ST6GAL1: variants seen among roughly 807,000 people sequenced by gnomAD.
The protein encoded by ST6GAL1 is ST6 beta-galactoside alpha-2,6-sialyltransferase 1.
A neutral mutation model predicts 38.0 loss-of-function variants in ST6GAL1; 20 were observed. The ratio of observed to expected loss-of-function variants is 0.53; its 90% CI spans 0.37 to 0.77. The LOEUF (loss-of-function observed/expected upper bound fraction) is 0.77, where lower values mean the gene tolerates loss of function less well. Ranked by LOEUF, ST6GAL1 falls within the 30% of genes least tolerant of loss-of-function variation. The pLI is 0.00. For synonymous variants in ST6GAL1, 196 were observed against 188.2 expected, an observed-to-expected ratio of 1.04 and a Z score of -0.34; for missense variants, 432 against 496.4, an observed-to-expected ratio of 0.87 and a Z score of 1.23.
At chr3:187,017,835 A>G (rs970411120) in intron 2 of ST6GAL1, among the ~76,000 whole-genome samples, 16 of 152,246 alleles carry the variant, frequency 1.1e-4, no homozygotes, top group Admixed American at 1.0e-3. Flanking sequence ...CCTGGAGGAC[A>G]TGATATTTAA....
intron 6 of ST6GAL1, 127 bp from the exon 7 acceptor site, chr3:187,074,032 G>A: frequency 1.2e-6 from 1 of 810,388 alleles, no homozygotes; most frequent in Non-Finnish European, 1.8e-6. Flanking sequence ...CAAGAAAAGG[G>A]CTGTGCCTCA....
chr3:187,060,283 C>G (rs1242727326), intron 5 of ST6GAL1, among the ~76,000 whole-genome samples: 2 of 152,142 alleles, frequency 1.3e-5, no homozygotes, highest in Non-Finnish European at 2.9e-5. Flanking sequence ...GCCTCAGCCT[C>G]CCGAGTAGCT....
chr3:186,942,074 G>A (rs755607239), intron 1 of ST6GAL1, among the ~76,000 whole-genome samples: 3 of 152,252 alleles, frequency 2.0e-5, no homozygotes, highest in South Asian at 2.1e-4. Context: ...CATTGCAGAG[G>A]GGTTGACCTC....
At chr3:187,066,032 T>G (rs1719104549) in intron 5 of ST6GAL1, among the ~76,000 whole-genome samples, 1 of 152,206 alleles carries the variant, frequency 6.6e-6, no homozygotes, top group African/African-American at 2.4e-5. Context: ...AGCTCCAACT[T>G]TTCTTCTCAA....
At chr3:186,972,119 C>T (rs1715368097) in intron 2 of ST6GAL1, among the ~76,000 whole-genome samples, 1 of 152,150 alleles carries the variant, frequency 6.6e-6, no homozygotes, top group Non-Finnish European at 1.5e-5. Flanking sequence ...ATTTATAACT[C>T]CATTTTATAA....
In ST6GAL1 at chr3:186,967,875, C is replaced by A. The variant is rs1417339124; in HGVS notation, c.-183+3949C>A. ...CACAAAACCACCGTGGCAGTAGAGG[C>A]CAGGGTGTCCTGGGGAGCCGGCACA... On this transcript the variant is annotated intron_variant, in intron 2 of 7. Transcript: ENST00000169298. Among the ~76,000 whole-genome samples the A allele has an allele frequency of 2.0e-5, 3 of 152,210 alleles. No individual in the cohort carries two copies. In the East Asian group the frequency reaches 5.8e-4, roughly 29 times the overall value.
intron 2 of ST6GAL1, chr3:187,025,398 A>G (rs548791680): frequency 6.6e-6 from 1 of 151,998 alleles, no homozygotes. Flanking sequence ...GATGTGGAGG[A>G]AAGAGTGGGT....
At chr3:187,036,985 G>A (rs1409461178) in intron 2 of ST6GAL1, among the ~76,000 whole-genome samples, 1 of 151,946 alleles carries the variant, frequency 6.6e-6, no homozygotes, top group African/African-American at 2.4e-5. Context: ...TCTTTCATTT[G>A]TCATCAGAAC....
chr3:186,959,681 C>T (rs1205366964), intron 1 of ST6GAL1, among the ~76,000 whole-genome samples: 1 of 152,188 alleles, frequency 6.6e-6, no homozygotes, highest in African/African-American at 2.4e-5. Context: ...GGAAAGTCTC[C>T]TTATCTTAGC....
At chr3:186,981,437 G>A (rs556341028) in intron 2 of ST6GAL1, among the ~76,000 whole-genome samples, 1 of 152,234 alleles carries the variant, frequency 6.6e-6, no homozygotes, top group African/African-American at 2.4e-5. Flanking sequence ...CTTTAACAGA[G>A]GGATGGCAGA....
chr3:187,022,260 C>T (rs1717343116), intron 2 of ST6GAL1, among the ~76,000 whole-genome samples: 1 of 151,690 alleles, frequency 6.6e-6, no homozygotes, highest in Admixed American at 6.6e-5. Flanking sequence ...GGTGGGACCC[C>T]CACACATATG....
intron 2 of ST6GAL1, among the ~76,000 whole-genome samples, chr3:187,007,435 G>T (rs1716820004): frequency 6.6e-6 from 1 of 152,216 alleles, no homozygotes; most frequent in African/African-American, 2.4e-5. Flanking sequence ...AATGGAGCAT[G>T]TGACAGATTG....
intron 2 of ST6GAL1, among the ~76,000 whole-genome samples, chr3:186,995,517 AAT>A (rs761845992): frequency 0.11 from 2,006 of 17,684 alleles, 119 homozygotes; most frequent in African/African-American, 0.25. Context: ...AAAAAAAAAT[AAT>A]AATAAAATAA....
chr3:187,005,950 A>T (rs751906558), intron 2 of ST6GAL1, among the ~76,000 whole-genome samples: 4 of 152,068 alleles, frequency 2.6e-5, no homozygotes, highest in Non-Finnish European at 2.9e-5. Context: ...CTTTGACAAG[A>T]TGGTGGGGGG....
chr3:186,977,516 G>T (rs1440165955), intron 2 of ST6GAL1, among the ~76,000 whole-genome samples: 1 of 152,178 alleles, frequency 6.6e-6, no homozygotes, highest in Admixed American at 6.5e-5. Flanking sequence ...CCTCTGAAAA[G>T]CTCAGAGCTA....
chr3:187,065,006 T>C (rs1220292680), intron 5 of ST6GAL1, among the ~76,000 whole-genome samples: 6 of 8,916 alleles, frequency 6.7e-4, no homozygotes, highest in Admixed American at 6.0e-3. Flanking sequence ...CTTCTTTTTC[T>C]TTTTTTTTTT....
chr3:186,972,911 AAGTG>A (rs1715397375), intron 2 of ST6GAL1, among the ~76,000 whole-genome samples: 1 of 152,112 alleles, frequency 6.6e-6, no homozygotes, highest in African/African-American at 2.4e-5. Flanking sequence ...GAGTATTGAG[AAGTG>A]AGTGTATTTC....
At chr3:186,977,456 T>C (rs1379009258) in intron 2 of ST6GAL1, among the ~76,000 whole-genome samples, 38 of 152,200 alleles carry the variant, frequency 2.5e-4, no homozygotes, top group Non-Finnish European at 2.9e-5. Context: ...GCCTGTATTA[T>C]TAATGCCCTT....
At chr3:186,984,798 T>TCCTTCCTTCCTTCCTC (rs1715836629) in intron 2 of ST6GAL1, among the ~76,000 whole-genome samples, 1 of 40,286 alleles carries the variant, frequency 2.5e-5, no homozygotes, top group African/African-American at 9.5e-5. Flanking sequence ...CTTCCTTCCT[T>TCCTTCCTTCCTTCCTC]CCTTCCATCC....
Sources: gnomAD v4.1 joint callset for allele counts (sites outside exome capture counted in the v4.1 genomes callset) on GRCh38, gnomAD v4.1.1 for gene constraint, MANE v1.5 for transcripts, NCBI Gene and HGNC (gene_info 2026-07-23, HGNC 2026-07-21) for gene names.